The following KMT2C variants were observed in gnomAD, a reference collection of about 807,000 sequenced individuals.
KMT2C encodes the protein histone-lysine N-methyltransferase 2C.
A neutral mutation model predicts 507.9 loss-of-function variants in KMT2C; 88 were observed. The observed-to-expected ratio is 0.17, with a 90% confidence interval of 0.15 to 0.21. The LOEUF is 0.21. Ranked by LOEUF, KMT2C falls within the 10% of genes least tolerant of loss-of-function variation. The probability of loss-of-function intolerance (pLI) is 1.00; values close to 1 mark genes in which losing one functional copy is unlikely to be tolerated. For synonymous variants in KMT2C, 2,049 were observed against 2,080.8 expected (o/e 0.98, Z 0.42); for missense variants, 4,954 against 5,957.8 (o/e 0.83, Z 5.55).
chr7:152,211,904 C>T lies in KMT2C; in HGVS notation c.3713-4476G>A, dbSNP rs191044629. On this transcript the variant is annotated intron_variant, in intron 23 of 58. Coordinates refer to ENST00000262189, the MANE Select transcript of KMT2C (RefSeq NM_170606.3). ...TCTACTAAAAATACAAAAAATTAGC[C>T]GGGCGTGGTGGCAGGTGCCTGTAGT... is the stretch of plus-strand genomic sequence containing the variant. 1.4e-4 allele frequency among the ~76,000 whole-genome samples: 21 copies of T among 152,156 alleles called. No individual in the cohort carries two copies. The East Asian group carries it at 2.9e-3, about 21-fold the overall frequency.
At chr7:152,280,569 C>G (rs1250636253) in intron 6 of KMT2C, among the ~76,000 whole-genome samples, 4 of 151,800 alleles carry the variant, frequency 2.6e-5, no homozygotes, top group Admixed American at 6.6e-5. Flanking sequence ...GCGAGCTCAG[C>G]CCTACAACTG....
chr7:152,332,225 C>A (rs1190712097), intron 2 of KMT2C, among the ~76,000 whole-genome samples: 2 of 152,100 alleles, frequency 1.3e-5, no homozygotes, highest in African/African-American at 4.8e-5. Context: ...ACACCACTAC[C>A]CCTAACATCA....
chr7:152,298,895 T>TA (rs1381816230), intron 6 of KMT2C, among the ~76,000 whole-genome samples: 1 of 152,242 alleles, frequency 6.6e-6, no homozygotes, highest in Admixed American at 6.5e-5. Flanking sequence ...GGAATGCTTT[T>TA]ATTATAGATG....
chr7:152,236,285 TA>T (rs1220455174), intron 15 of KMT2C, among the ~76,000 whole-genome samples: 15 of 152,322 alleles, frequency 9.8e-5, no homozygotes, highest in African/African-American at 2.9e-4. Context: ...CAATATAGAG[TA>T]AGTATAAGGA....
intron 51 of KMT2C, among the ~76,000 whole-genome samples, chr7:152,149,522 T>G (rs1305758435): frequency 6.6e-6 from 1 of 152,216 alleles, no homozygotes; most frequent in Non-Finnish European, 1.5e-5. Flanking sequence ...CTAATATAAT[T>G]TGTACAATGG....
Position 152,146,690 on chromosome 7 carries a change from T to A in KMT2C, c.13940A>T (p.Lys4647Met). ...ILEPVACVRK[K>M]SEMLQLFPAY... ...TGGGAAAAGCTGGAGCATTTCAGACTTTTTTCTCACACATGCCACAGGCTC... is the reference window on the plus strand; with the variant it reads ...TGGGAAAAGCTGGAGCATTTCAGACATTTTTCTCACACATGCCACAGGCTC... Residue 4647 changes from lysine to methionine, a missense_variant, in exon 53 of 59, where the codon AAG (lysine) becomes ATG (methionine). Coordinates refer to ENST00000262189, the MANE Select transcript of KMT2C (RefSeq NM_170606.3). 1.2e-6 allele frequency: 2 copies of A among 1,614,064 alleles called. No individual in the cohort carries two copies. The highest frequency in any genetic ancestry group is 1.1e-5 in the South Asian group (1 of 91,086).
intron 6 of KMT2C, among the ~76,000 whole-genome samples, chr7:152,274,670 T>G (rs1486697045): frequency 6.6e-6 from 1 of 152,246 alleles, no homozygotes; most frequent in African/African-American, 2.4e-5. Flanking sequence ...CATCATTTTC[T>G]TTGAAGAGAG....
At chr7:152,145,703 C>T (rs747472123) in intron 53 of KMT2C, among the ~76,000 whole-genome samples, 5 of 152,176 alleles carry the variant, frequency 3.3e-5, no homozygotes, top group Non-Finnish European at 7.3e-5. Context: ...TGGAATTTTA[C>T]AATTAAAAAC....
chr7:152,222,518 A>C (rs2094806950), intron 21 of KMT2C, 55 bp downstream of exon 21: 4 of 860,812 alleles, frequency 4.6e-6, no homozygotes, highest in Non-Finnish European at 7.7e-6. Context: ...ATGGACAGTA[A>C]GGTGCAAGTG....
chr7:152,244,894 C>T (rs2095444605), intron 14 of KMT2C, among the ~76,000 whole-genome samples: 1 of 152,008 alleles, frequency 6.6e-6, no homozygotes, highest in Non-Finnish European at 1.5e-5. Context: ...TGAAATATTC[C>T]ATATGAAAGG....
At chr7:152,298,974 A>T (rs934368370) in intron 6 of KMT2C, among the ~76,000 whole-genome samples, 4 of 152,206 alleles carry the variant, frequency 2.6e-5, no homozygotes, top group African/African-American at 7.2e-5. Flanking sequence ...AACTACAAAA[A>T]TAATTTTTAA....
intron 1 of KMT2C, among the ~76,000 whole-genome samples, chr7:152,421,343 C>T (rs1005288480): frequency 1.3e-5 from 2 of 152,140 alleles, no homozygotes; most frequent in African/African-American, 4.8e-5. Context: ...TTGGGGATTT[C>T]TCAAAGAACT....
intron 6 of KMT2C, among the ~76,000 whole-genome samples, chr7:152,288,984 G>C (rs1229676583): frequency 2.6e-5 from 4 of 152,288 alleles, no homozygotes; most frequent in African/African-American, 9.6e-5. Flanking sequence ...AGATGAATGA[G>C]AACTAAAAAT....
intron 55 of KMT2C, among the ~76,000 whole-genome samples, chr7:152,141,073 C>T (rs1209712328): frequency 1.3e-5 from 2 of 151,872 alleles, no homozygotes; most frequent in Non-Finnish European, 2.9e-5. Flanking sequence ...AACCCCGTCT[C>T]TACTAAAAAT....
At chr7:152,209,019 C>T (rs1426747930) in intron 23 of KMT2C, among the ~76,000 whole-genome samples, 10 of 151,796 alleles carry the variant, frequency 6.6e-5, no homozygotes, top group South Asian at 6.2e-4. Context: ...ATTATCTGGG[C>T]GTGGTGGTAC....
chr7:152,355,168 A>C (rs1451614122), intron 2 of KMT2C, among the ~76,000 whole-genome samples: 2 of 152,226 alleles, frequency 1.3e-5, no homozygotes, highest in African/African-American at 2.4e-5. Context: ...ATGTGAATGT[A>C]TAAAATGTAA....
intron 9 of KMT2C, among the ~76,000 whole-genome samples, chr7:152,260,715 T>A (rs1252762126): frequency 9.2e-5 from 14 of 152,264 alleles, no homozygotes; most frequent in African/African-American, 3.4e-4. Context: ...ACAGTCTCTT[T>A]CAGACATGTA....
intron 1 of KMT2C, among the ~76,000 whole-genome samples, chr7:152,378,857 G>A (rs1400748125): frequency 6.6e-6 from 1 of 152,164 alleles, no homozygotes; most frequent in East Asian, 1.9e-4. Flanking sequence ...TGGGGGTGCT[G>A]TATCTTAATT....
intron 23 of KMT2C, among the ~76,000 whole-genome samples, chr7:152,210,869 G>T (rs908169532): frequency 6.6e-6 from 1 of 152,138 alleles, no homozygotes; most frequent in Non-Finnish European, 1.5e-5. Flanking sequence ...CTCAGTAGAG[G>T]AAGATAAAAT....
Sources: allele counts gnomAD v4.1 joint callset (sites outside exome capture counted in the v4.1 genomes callset), GRCh38; gene constraint gnomAD v4.1.1; transcripts MANE v1.5; gene names NCBI Gene and HGNC (gene_info 2026-07-23, HGNC 2026-07-21).